ARHGAP32: variants seen among roughly 807,000 people sequenced by gnomAD.
The protein encoded by ARHGAP32 is rho GTPase-activating protein 32.
Under a neutral mutation model 186.5 loss-of-function variants are expected in ARHGAP32, and 51 were observed. The ratio of observed to expected loss-of-function variants is 0.27; its 90% CI spans 0.22 to 0.35. ARHGAP32 has a LOEUF of 0.35. ARHGAP32 is among the 10% of genes least tolerant of loss of function. The probability of loss-of-function intolerance (pLI) is 1.00; values close to 1 mark genes in which losing one functional copy is unlikely to be tolerated. For synonymous variants in ARHGAP32, 950 were observed against 964.3 expected, an observed-to-expected ratio of 0.99 and a Z score of 0.27; for missense variants, 2,186 against 2,623.5, an observed-to-expected ratio of 0.83 and a Z score of 3.64.
intron 2 of ARHGAP32, among the ~76,000 whole-genome samples, chr11:129,143,948 T>TG (rs1000630739): frequency 2.0e-5 from 3 of 152,290 alleles, no homozygotes; most frequent in African/African-American, 7.2e-5. Context: ...AGGCATCCAC[T>TG]GGGGGTCTTG....
At chr11:129,147,076 C>T (rs1200315944) in intron 2 of ARHGAP32, among the ~76,000 whole-genome samples, 3 of 152,050 alleles carry the variant, frequency 2.0e-5, no homozygotes, top group Non-Finnish European at 4.4e-5. Context: ...TCATCATTCA[C>T]TACACACTTT....
chr11:129,154,673 C>T (rs1186928819), intron 2 of ARHGAP32, among the ~76,000 whole-genome samples: 1 of 152,058 alleles, frequency 6.6e-6, no homozygotes, highest in Non-Finnish European at 1.5e-5. Context: ...TAAGTGGGAG[C>T]TAAGCTATGA....
Position 128,974,130 on chromosome 11 carries a change from G to T in ARHGAP32, c.3067C>A (p.Gln1023Lys), listed in dbSNP as rs1945475441. 6.2e-7 allele frequency: 1 copy of T among 1,614,140 alleles called. No individual in the cohort carries two copies. Residue 1023 changes from glutamine (Q) to lysine (K), a missense_variant, in exon 21 of 23, where the codon CAG becomes AAG. Physicochemically the swap from Gln to Lys is moderately conservative, Grantham distance 53 (BLOSUM62 1). Coordinates refer to ENST00000682385, the MANE Select transcript of ARHGAP32 (RefSeq NM_001378024.1). ...GGAGGAAAACAAACGGTACCTGTCT[G>T]AGTCTGTCCAGAAGCTACAGCCTTA... is the stretch of plus-strand genomic sequence containing the variant. ...QSKAVASGQT[Q>K]TGAVTHDPPQ...
chr11:129,044,673 A>C (rs919897941), intron 10 of ARHGAP32, among the ~76,000 whole-genome samples: 3 of 124,926 alleles, frequency 2.4e-5, no homozygotes, highest in Non-Finnish European at 3.3e-5. Context: ...AAACATTCTA[A>C]TTCATTTCAA....
intron 10 of ARHGAP32, among the ~76,000 whole-genome samples, chr11:129,041,953 G>C (rs2135027284): frequency 6.6e-6 from 1 of 152,296 alleles, no homozygotes; most frequent in South Asian, 2.1e-4. Flanking sequence ...GGGGAAGAAT[G>C]GAATAGTTTT....
chr11:129,055,232 T>G (rs897836114), intron 10 of ARHGAP32, among the ~76,000 whole-genome samples: 3 of 152,198 alleles, frequency 2.0e-5, no homozygotes, highest in Non-Finnish European at 1.5e-5. Context: ...TCAAACTAAC[T>G]TTATGTGTTG....
At chr11:129,264,714 G>C (rs1306522885) in intron 1 of ARHGAP32, among the ~76,000 whole-genome samples, 1 of 152,146 alleles carries the variant, frequency 6.6e-6, no homozygotes, top group African/African-American at 2.4e-5. Context: ...ACAAGTTTAA[G>C]GAGGTGGGCA....
chr11:129,016,747 A>G (rs1396292322), intron 11 of ARHGAP32, among the ~76,000 whole-genome samples: 1 of 152,068 alleles, frequency 6.6e-6, no homozygotes, highest in Non-Finnish European at 1.5e-5. Context: ...TTAGAAGGAG[A>G]AAAAAAACTT....
At chr11:129,152,640 T>G (rs999002141) in intron 2 of ARHGAP32, among the ~76,000 whole-genome samples, 2 of 152,254 alleles carry the variant, frequency 1.3e-5, no homozygotes, top group Non-Finnish European at 1.5e-5. Flanking sequence ...AAAAATCATA[T>G]GATCATCTCA....
chr11:129,239,174 C>T (rs914420064), intron 1 of ARHGAP32, among the ~76,000 whole-genome samples: 2 of 152,124 alleles, frequency 1.3e-5, no homozygotes, highest in African/African-American at 2.4e-5. Context: ...TCTAAGCCCT[C>T]GCATATTGTA....
intron 1 of ARHGAP32, among the ~76,000 whole-genome samples, chr11:129,224,673 C>G (rs1453172700): frequency 3.3e-5 from 5 of 150,322 alleles, no homozygotes; most frequent in African/African-American, 1.2e-4. Flanking sequence ...AGCCTCATTC[C>G]CAGAGAACTG....
intron 2 of ARHGAP32, among the ~76,000 whole-genome samples, chr11:129,141,596 A>G (rs1449773124): frequency 6.6e-6 from 1 of 151,496 alleles, no homozygotes; most frequent in African/African-American, 2.4e-5. Flanking sequence ...CGTTGTGCAC[A>G]TGTACCCTAG....
At position 129,144,474 on chromosome 11, in the gene ARHGAP32, G is replaced by A. The variant is rs190676349; in HGVS notation, c.226-19580C>T. Among the ~76,000 whole-genome samples the A allele has an allele frequency of 5.9e-5, 9 of 152,202 alleles. No homozygotes were observed. The East Asian group carries it at 1.7e-3, about 29-fold the overall frequency. On this transcript the variant is annotated intron_variant, in intron 2 of 22. Transcript: ENST00000682385. ...ACATATAAGAAAACTCAAGAGCTCT[G>A]AACTAAAAATAGTGCTAAATGGGGA... is the stretch of plus-strand genomic sequence containing the variant.
intron 11 of ARHGAP32, among the ~76,000 whole-genome samples, chr11:129,010,913 T>C (rs1565373765): frequency 6.6e-6 from 1 of 152,242 alleles, no homozygotes; most frequent in African/African-American, 2.4e-5. Flanking sequence ...ATATGATGTA[T>C]ATAAGAAAGC....
intron 11 of ARHGAP32, among the ~76,000 whole-genome samples, chr11:129,000,653 T>C (rs1946332246): frequency 6.6e-6 from 1 of 152,216 alleles, no homozygotes; most frequent in Non-Finnish European, 1.5e-5. Context: ...TATTTTTTAA[T>C]GTACGTTTAA....
intron 1 of ARHGAP32, among the ~76,000 whole-genome samples, chr11:129,254,674 C>T (rs1945230570): frequency 6.6e-6 from 1 of 152,046 alleles, no homozygotes; most frequent in African/African-American, 2.4e-5. Flanking sequence ...TCCTGTTTCA[C>T]CTTTTTAAGC....
intron 11 of ARHGAP32, among the ~76,000 whole-genome samples, chr11:129,031,158 T>G (rs1939097278): frequency 6.6e-6 from 1 of 152,238 alleles, no homozygotes; most frequent in Non-Finnish European, 1.5e-5. Flanking sequence ...TATCTTGGCA[T>G]GTAGATTTAT....
At chr11:128,980,510 G>A in intron 18 of ARHGAP32, 43 bp downstream of exon 18, 1 of 1,462,014 alleles carries the variant, frequency 6.8e-7, no homozygotes, top group Non-Finnish European at 9.4e-7. Context: ...ATAGGACATA[G>A]CTATGAAAAT....
chr11:129,080,719 C>T (rs545227780), intron 6 of ARHGAP32, among the ~76,000 whole-genome samples: 182 of 151,562 alleles, frequency 1.2e-3, no homozygotes, highest in African/African-American at 4.1e-3. Flanking sequence ...CAAACCAAAC[C>T]CAAACCCAGC....
Sources: gnomAD v4.1 joint callset for allele counts (sites outside exome capture counted in the v4.1 genomes callset) on GRCh38, gnomAD v4.1.1 for gene constraint, MANE v1.5 for transcripts, NCBI Gene and HGNC (gene_info 2026-07-23, HGNC 2026-07-21) for gene names.